TAS1R1: variants seen among roughly 807,000 people sequenced by gnomAD.
TAS1R1 encodes taste receptor type 1 member 1.
Under a neutral mutation model 45.8 loss-of-function variants are expected in TAS1R1, and 31 were observed. That is an observed-to-expected ratio of 0.68 (90% confidence interval 0.51 to 0.91). TAS1R1 has a LOEUF of 0.91. Among genes scored for constraint, TAS1R1 ranks in the 40% least tolerant of loss-of-function variants. The pLI, the probability that TAS1R1 is intolerant of heterozygous loss-of-function variation, is 0.00. For missense variants in TAS1R1, 1,051 were observed against 1,063.9 expected, an observed-to-expected ratio of 0.99 and a Z score of 0.17; for synonymous variants, 437 against 448.4, an observed-to-expected ratio of 0.97 and a Z score of 0.32.
At position 6,578,799 on chromosome 1, in the gene TAS1R1, C is replaced by T. The variant is rs779465169; in HGVS notation, c.1741C>T (p.Leu581=). The change falls in exon 6 of 6, where the codon CTG becomes TTG. Residue 581 remains leucine, a synonymous_variant. Transcript: ENST00000333172. The part of the protein sequence containing the change: ...LAANTLLLLL[L]LGTAGLFAWH... ...AGCTAACACGCTGCTGCTGCTGCTG[C>T]TGCTTGGGACTGCTGGCCTGTTTGC... The T allele has an allele frequency of 1.1e-5, 18 of 1,613,854 alleles. No individual in the cohort carries two copies. The highest frequency in any genetic ancestry group is 3.3e-5 in the Admixed American group (2 of 59,986).
rs754122398 is a variant in TAS1R1 at position 6,578,879 on chromosome 1, T to G, written c.1821T>G (p.Leu607=). 19 of 1,609,568 alleles carry G rather than the reference T, an allele frequency of 1.2e-5. No homozygotes were observed. The highest frequency in any genetic ancestry group is 1.5e-5 in the Non-Finnish European group (18 of 1,176,872). The change falls in exon 6 of 6, where the codon CTT becomes CTG. Residue 607 remains leucine, a synonymous_variant. Transcript: ENST00000333172. The part of the protein sequence containing the change: ...VRSAGGRLCF[L]MLGSLAAGSG... ...CAGCAGGGGGCCGCCTGTGCTTTCT[T>G]ATGCTGGGCTCCCTGGCAGCAGGTA...
chr1:6,573,116 C>T (rs1006321342), intron 2 of TAS1R1, among the ~76,000 whole-genome samples: 1 of 152,240 alleles, frequency 6.6e-6, no homozygotes, highest in Non-Finnish European at 1.5e-5. Flanking sequence ...TCTTAAATTT[C>T]TTCTAACTCA....
At chr1:6,555,630 A>C in intron 1 of TAS1R1, 66 bp downstream of exon 1, 1 of 1,446,374 alleles carries the variant, frequency 6.9e-7, no homozygotes, top group Non-Finnish European at 9.3e-7. Flanking sequence ...TCTGGCTGCC[A>C]TCCTCCAAAC....
At chr1:6,561,531 G>A (rs532166115) in intron 1 of TAS1R1, among the ~76,000 whole-genome samples, 2 of 152,220 alleles carry the variant, frequency 1.3e-5, no homozygotes, top group Admixed American at 6.5e-5. Flanking sequence ...CTAATATGGT[G>A]AAGCCCCATG....
chr1:6,575,658 AC>A (rs1640149689), intron 3 of TAS1R1, among the ~76,000 whole-genome samples: 1 of 150,498 alleles, frequency 6.6e-6, no homozygotes. Flanking sequence ...AGCTGGGATT[AC>A]AGGCACCCAC....
intron 1 of TAS1R1, among the ~76,000 whole-genome samples, chr1:6,562,121 TA>T (rs1234872472): frequency 6.6e-6 from 1 of 152,150 alleles, no homozygotes; most frequent in Non-Finnish European, 1.5e-5. Flanking sequence ...ATGGGAGTGC[TA>T]GAAGCAAGGA....
At chr1:6,561,604 A>G (rs1639789703) in intron 1 of TAS1R1, among the ~76,000 whole-genome samples, 1 of 152,052 alleles carries the variant, frequency 6.6e-6, no homozygotes. Flanking sequence ...GGTCCCAGCT[A>G]CTTGGGAGGC....
chr1:6,570,915 T>C lies in TAS1R1; in HGVS notation c.198T>C (p.Cys66=). ...RPEVTLCDRS[C]SFNEHGYHLF... is the part of the protein sequence containing the mutation. ...TTACTGGCTTTCTCCACAGGTCTTG[T>C]AGCTTCAATGAGCATGGCTACCACC... The change falls in exon 2 of 6, where the codon TGT becomes TGC. Residue 66 remains cysteine (C), a synonymous_variant. Transcript: ENST00000333172. 6.3e-7 allele frequency: 1 copy of C among 1,598,410 alleles called. No homozygotes were observed. Among genetic ancestry groups the C allele is most frequent in the East Asian group, 2.2e-5 (1 of 44,852 alleles).
At chr1:6,568,297 C>CA (rs1476037807) in intron 1 of TAS1R1, among the ~76,000 whole-genome samples, 3 of 151,300 alleles carry the variant, frequency 2.0e-5, no homozygotes, top group Non-Finnish European at 4.4e-5. Context: ...AAAAAAAATA[C>CA]AAAAAAAATT....
intron 1 of TAS1R1, among the ~76,000 whole-genome samples, chr1:6,566,549 T>C (rs543384787): frequency 2.0e-5 from 3 of 152,244 alleles, no homozygotes; most frequent in Non-Finnish European, 4.4e-5. Context: ...CGATGGGCTG[T>C]AGACCCTTTT....
At position 6,575,544 on chromosome 1, in the gene TAS1R1, A is replaced by G. The variant is rs1273682900; in HGVS notation, c.1260+152A>G. Reference sequence around the variant, plus strand: ...TTTGTTTTGTTTTGTTTTTTGAGACAGTCTGGCTCTGTCACCCAGGCTGCA... The same window carrying G: ...TTTGTTTTGTTTTGTTTTTTGAGACGGTCTGGCTCTGTCACCCAGGCTGCA... On this transcript the variant is annotated intron_variant, in intron 3 of 5. Transcript: ENST00000333172. 3.1e-6 allele frequency: 3 copies of G among 952,622 alleles called. No homozygotes were observed. The Admixed American group carries it at 9.8e-5, about 31-fold the overall frequency. 59.0% of individuals were successfully genotyped at this position (952,622 alleles called of 1,614,324 possible).
intron 1 of TAS1R1, among the ~76,000 whole-genome samples, chr1:6,567,993 G>T (rs932430392): frequency 1.3e-5 from 2 of 152,076 alleles, no homozygotes; most frequent in Non-Finnish European, 2.9e-5. Flanking sequence ...TATTTAGCGC[G>T]ATCTCTTTAG....
At chr1:6,570,030 A>G (rs1321708486) in intron 1 of TAS1R1, among the ~76,000 whole-genome samples, 1 of 150,966 alleles carries the variant, frequency 6.6e-6, no homozygotes, top group African/African-American at 2.4e-5. Flanking sequence ...AGGGGGAGAG[A>G]GAGAGAGAGA....
intron 1 of TAS1R1, among the ~76,000 whole-genome samples, chr1:6,562,473 A>C (rs1639807027): frequency 1.3e-5 from 2 of 152,146 alleles, no homozygotes; most frequent in Non-Finnish European, 2.9e-5. Flanking sequence ...TGCCCAGGCC[A>C]CGGGGGTTTT....
Position 6,576,986 on chromosome 1 carries a change from G to A in TAS1R1, c.1510G>A (p.Gly504Arg), listed in dbSNP as rs1640197350. Reference protein sequence around the residue: ...KSVCSSDCLEGHQRVVTGFHH... With the variant: ...KSVCSSDCLERHQRVVTGFHH... ...TGTGTGTTCCAGCGACTGTCTTGAAGGGCACCAGCGAGTGGTTACGGGTTT... is the reference window on the plus strand; with the variant it reads ...TGTGTGTTCCAGCGACTGTCTTGAAAGGCACCAGCGAGTGGTTACGGGTTT... The change falls in exon 5 of 6, where the codon GGG becomes AGG. Residue 504 changes from glycine (G) to arginine (R), a missense_variant. Gly to Arg is a moderately radical substitution (Grantham distance 125). Transcript: ENST00000333172. 1 of 1,614,274 alleles carries A rather than the reference G, an allele frequency of 6.2e-7. No individual in the cohort carries two copies. The highest frequency in any genetic ancestry group is 8.5e-7 in the Non-Finnish European group (1 of 1,180,046).
chr1:6,576,515 G>A lies in TAS1R1; in HGVS notation c.1361G>A (p.Trp454Ter), dbSNP rs866227572. Reference protein sequence around the residue: ...DPLSSYNIIAWDWNGPKWTFT... With the variant: ...DPLSSYNIIA Reference sequence around the variant, plus strand: ...CTCAGTAGCTATAACATAATTGCCTGGGACTGGAATGGACCCAAGTGGACC... The same window carrying A: ...CTCAGTAGCTATAACATAATTGCCTAGGACTGGAATGGACCCAAGTGGACC... The change falls in exon 4 of 6, where the codon TGG becomes TAG. Residue 454 changes from tryptophan to a stop codon, truncating the protein, a stop_gained. Transcript: ENST00000333172. LOFTEE classifies it high-confidence loss of function. 4 of 1,614,254 alleles carry A rather than the reference G, an allele frequency of 2.5e-6. No individual in the cohort carries two copies. Among genetic ancestry groups the A allele is most frequent in the Non-Finnish European group, 3.4e-6 (4 of 1,180,046 alleles).
Position 6,579,072 on chromosome 1 carries a change from G to A in TAS1R1, c.2014G>A (p.Ala672Thr), listed in dbSNP as rs372202898. 7 of 1,613,442 alleles carry A rather than the reference G, an allele frequency of 4.3e-6. No homozygotes were observed. The highest frequency in any genetic ancestry group is 4.5e-5 in the East Asian group (2 of 44,850). Residue 672 changes from alanine (A) to threonine (T), a missense_variant, in exon 6 of 6, where the codon GCC becomes ACC. Coordinates refer to ENST00000333172, the MANE Select transcript of TAS1R1 (RefSeq NM_138697.4). ...FSTKVPTFYHAWVQNHGAGLF... is the reference protein window; with the variant it reads ...FSTKVPTFYHTWVQNHGAGLF... ...CACCAAGGTACCTACATTCTACCACGCCTGGGTCCAAAACCACGGTGCTGG... is the reference window on the plus strand; with the variant it reads ...CACCAAGGTACCTACATTCTACCACACCTGGGTCCAAAACCACGGTGCTGG...
At chr1:6,569,858 C>T (rs970661093) in intron 1 of TAS1R1, among the ~76,000 whole-genome samples, 6 of 152,036 alleles carry the variant, frequency 3.9e-5, no homozygotes, top group African/African-American at 7.2e-5. Flanking sequence ...TACTCACCCT[C>T]GCAGAAGCTC....
In TAS1R1 at chr1:6,556,385, T is replaced by TTCTATCTATCTATCTATCTA. The variant is rs35268740; in HGVS notation, c.191+827_191+846dup. 9.2e-3 allele frequency among the ~76,000 whole-genome samples: 1,378 copies of TTCTATCTATCTATCTATCTA among 150,224 alleles called. 18 individuals carry two copies. Among genetic ancestry groups the TTCTATCTATCTATCTATCTA allele is most frequent in the Middle Eastern group, 0.034 (10 of 292 alleles). ...AGGGAAACTACTGCTTTTCTTTTATTTCTATCTATCTATCTATCTATCTAT... is the reference window on the plus strand; with the variant it reads ...AGGGAAACTACTGCTTTTCTTTTATTTCTATCTATCTATCTATCTATCTATCTATCTATCTATCTATCTAT... On this transcript the variant is annotated intron_variant, in intron 1 of 5. Transcript: ENST00000333172.
Sources: allele counts gnomAD v4.1 joint callset (sites outside exome capture counted in the v4.1 genomes callset), GRCh38; gene constraint gnomAD v4.1.1; transcripts MANE v1.5; gene names NCBI Gene and HGNC (gene_info 2026-07-23, HGNC 2026-07-21).